Variants in MGAT4A observed in about 807,000 individuals in gnomAD.
MGAT4A encodes alpha-1,3-mannosyl-glycoprotein 4-beta-N-acetylglucosaminyltransferase A.
MGAT4A carries 33 observed loss-of-function variants against 74.1 expected under a neutral mutation model. That is an observed-to-expected ratio of 0.45 (90% CI 0.34 to 0.60). The LOEUF (loss-of-function observed/expected upper bound fraction) is 0.60, where lower values mean the gene tolerates loss of function less well. MGAT4A is among the 20% of genes least tolerant of loss of function. The pLI, the probability that MGAT4A is intolerant of heterozygous loss-of-function variation, is 0.02. For missense variants in MGAT4A, 479 were observed against 628.3 expected (o/e 0.76, Z 2.54); for synonymous variants, 198 against 210.4 (o/e 0.94, Z 0.51).
intron 13 of MGAT4A, among the ~76,000 whole-genome samples, chr2:98,635,730 T>C (rs995691912): frequency 6.6e-6 from 1 of 152,030 alleles, no homozygotes; most frequent in African/African-American, 2.4e-5. Context: ...CAGTGGCTCA[T>C]GCCTGTAATC....
intron 4 of MGAT4A, among the ~76,000 whole-genome samples, chr2:98,664,661 G>A (rs1701799010): frequency 6.6e-6 from 1 of 152,080 alleles, no homozygotes; most frequent in South Asian, 2.1e-4. Flanking sequence ...ACTTCAACAA[G>A]CAAATCTCAG....
In MGAT4A at chr2:98,636,403, A is replaced by G. The variant is rs1701322107; in HGVS notation, c.1401+114T>C. The G allele has an allele frequency of 5.1e-6, 4 of 791,630 alleles. No individual in the cohort carries two copies. The East Asian group carries it at 9.9e-5, about 20-fold the overall frequency. 49.0% of individuals were successfully genotyped at this position (791,630 alleles called of 1,614,324 possible). On this transcript the variant is annotated intron_variant, in intron 13 of 15. Transcript: ENST00000393487. ...TCAAAAAAAATTAATATTATTCACC[A>G]TTGAGTCCTGCAAATCATGAGAATT...
chr2:98,726,524 G>A lies in MGAT4A; in HGVS notation c.-192C>T, dbSNP rs747227117. ...GCTGTTCACAACTGTACTCGGGATC[G>A]TCTTTGCGGTCTTCACACGCTGATG... On this transcript the variant is annotated 5_prime_UTR_variant, in exon 2 of 16. It adds an upstream start codon to the 5' untranslated region. Transcript: ENST00000393487. The A allele has an allele frequency of 1.1e-4, 52 of 460,292 alleles. No homozygotes were observed. The highest frequency in any genetic ancestry group is 1.4e-4 in the African/African-American group (7 of 51,200). 28.5% of individuals were successfully genotyped at this position (460,292 alleles called of 1,614,324 possible).
At chr2:98,694,044 C>T (rs1339006614) in intron 2 of MGAT4A, 2 of 153,430 alleles carry the variant, frequency 1.3e-5, no homozygotes, top group Non-Finnish European at 2.9e-5. Context: ...TCGATTCATC[C>T]TCCACCCTAG....
intron 2 of MGAT4A, among the ~76,000 whole-genome samples, chr2:98,710,863 G>A (rs1171881703): frequency 6.6e-6 from 1 of 152,018 alleles, no homozygotes; most frequent in Non-Finnish European, 1.5e-5. Flanking sequence ...GTCTATCTGT[G>A]TGTACAATAA....
chr2:98,673,536 TA>T (rs1329751011), intron 4 of MGAT4A, among the ~76,000 whole-genome samples: 1 of 152,188 alleles, frequency 6.6e-6, no homozygotes, highest in Admixed American at 6.5e-5. Context: ...CTGTTTTTTC[TA>T]CCTTTCAAAA....
chr2:98,723,071 C>A (rs1020799808), intron 2 of MGAT4A, among the ~76,000 whole-genome samples: 2 of 152,230 alleles, frequency 1.3e-5, no homozygotes, highest in Non-Finnish European at 2.9e-5. Context: ...GAAACTGTTA[C>A]TCTGTCTTGC....
chr2:98,654,032 AC>A (rs1701621194), intron 8 of MGAT4A, among the ~76,000 whole-genome samples: 1 of 152,184 alleles, frequency 6.6e-6, no homozygotes, highest in Non-Finnish European at 1.5e-5. Context: ...TGTAACATAT[AC>A]TACATTAACA....
At chr2:98,667,891 T>C (rs1021156817) in intron 4 of MGAT4A, among the ~76,000 whole-genome samples, 1 of 152,088 alleles carries the variant, frequency 6.6e-6, no homozygotes, top group Non-Finnish European at 1.5e-5. Flanking sequence ...AGATAAGTTT[T>C]GTATTTTTAG....
intron 12 of MGAT4A, among the ~76,000 whole-genome samples, chr2:98,637,139 G>A (rs183569575): frequency 7.9e-5 from 12 of 151,930 alleles, no homozygotes; most frequent in Admixed American, 5.9e-4. Flanking sequence ...GTGAGACCTC[G>A]TCGCTACAAA....
chr2:98,650,501 C>A (rs1701560471), intron 8 of MGAT4A, among the ~76,000 whole-genome samples: 2 of 152,116 alleles, frequency 1.3e-5, no homozygotes, highest in South Asian at 4.1e-4. Flanking sequence ...AGTGACCCAA[C>A]AAATACAAGA....
chr2:98,659,166 A>C (rs762179091), intron 5 of MGAT4A, among the ~76,000 whole-genome samples: 1 of 152,184 alleles, frequency 6.6e-6, no homozygotes, highest in Admixed American at 6.5e-5. Flanking sequence ...AACAGAGATA[A>C]ACATCATTAG....
At chr2:98,663,814 G>A (rs754450079) in intron 4 of MGAT4A, among the ~76,000 whole-genome samples, 11 of 152,170 alleles carry the variant, frequency 7.2e-5, no homozygotes, top group Non-Finnish European at 1.6e-4. Context: ...GACAAAATCG[G>A]AGTAAGAGCT....
chr2:98,690,826 G>C (rs905894682), intron 2 of MGAT4A, among the ~76,000 whole-genome samples: 1 of 152,138 alleles, frequency 6.6e-6, no homozygotes, highest in Non-Finnish European at 1.5e-5. Context: ...GGAAGTTTCA[G>C]AATATGAAAT....
At position 98,631,187 on chromosome 2, in the gene MGAT4A, C is replaced by T. The variant is rs776221427; in HGVS notation, c.1468+4035G>A. On this transcript the variant is annotated intron_variant, in intron 14 of 15. Transcript: ENST00000393487. ...TCACGCTCTACTCTTCTAACCCCCA[C>T]GCCATCAACCCTCGGGTCTCCACTG... 6.6e-5 allele frequency among the ~76,000 whole-genome samples: 10 copies of T among 152,240 alleles called. No individual in the cohort carries two copies. In the East Asian group the frequency reaches 7.7e-4, roughly 12 times the overall value.
chr2:98,620,447 CTT>C lies in MGAT4A; in HGVS notation c.*5117_*5118del, dbSNP rs892316752. On this transcript the variant is annotated 3_prime_UTR_variant, in exon 16 of 16. Transcript: ENST00000393487. ...ACAGTCTTAACCTCTCATTTTCTCT[CTT>C]TTAGTTCTACTTGTCTCGTATCAAG... is the stretch of plus-strand genomic sequence containing the variant. 2 of 152,178 alleles carry C rather than the reference CTT, an allele frequency of 1.3e-5. No individual in the cohort carries two copies. The highest frequency in any genetic ancestry group is 4.8e-5 in the African/African-American group (2 of 41,430). 9.4% of individuals were successfully genotyped at this position (152,178 alleles called of 1,614,324 possible).
chr2:98,645,703 G>A (rs1701474195), intron 8 of MGAT4A, among the ~76,000 whole-genome samples, 161 bp from the exon 9 acceptor site: 1 of 152,112 alleles, frequency 6.6e-6, no homozygotes. Flanking sequence ...AAAAGAAAGT[G>A]AAGAAAACAA....
intron 2 of MGAT4A, among the ~76,000 whole-genome samples, chr2:98,718,681 C>G (rs1182900513): frequency 6.6e-6 from 1 of 152,190 alleles, no homozygotes; most frequent in East Asian, 1.9e-4. Flanking sequence ...CCCCCAAATG[C>G]CTGTAGCTAA....
chr2:98,672,975 G>A (rs1701931049), intron 4 of MGAT4A, among the ~76,000 whole-genome samples: 1 of 152,050 alleles, frequency 6.6e-6, no homozygotes, highest in African/African-American at 2.4e-5. Flanking sequence ...AGTCATTCGT[G>A]GTACTAATTT....
Sources: allele counts gnomAD v4.1 joint callset (sites outside exome capture counted in the v4.1 genomes callset), GRCh38; gene constraint gnomAD v4.1.1; transcripts MANE v1.5; gene names NCBI Gene and HGNC (gene_info 2026-07-23, HGNC 2026-07-21).